Variants in DAB1 observed in about 807,000 individuals in gnomAD.
DAB1 encodes disabled homolog 1.
A neutral mutation model predicts 64.6 loss-of-function variants in DAB1; 15 were observed. That is an observed-to-expected ratio of 0.23 (90% CI 0.16 to 0.36). The LOEUF is 0.36. DAB1 is among the 10% of genes least tolerant of loss of function. The pLI is 1.00. For synonymous variants in DAB1, 235 were observed against 251.9 expected, an observed-to-expected ratio of 0.93 and a Z score of 0.64; for missense variants, 596 against 706.7, an observed-to-expected ratio of 0.84 and a Z score of 1.78.
chr1:58,097,599 G>C (rs1651063818), intron 5 of DAB1, among the ~76,000 whole-genome samples: 2 of 152,008 alleles, frequency 1.3e-5, no homozygotes. Flanking sequence ...GGTAAATTGA[G>C]AGGTGAGTCT....
At chr1:57,243,492 C>T (rs114969502) in intron 2 of DAB1, among the ~76,000 whole-genome samples, 4,910 of 152,056 alleles carry the variant, frequency 0.032, 81 homozygotes, top group Non-Finnish European at 0.039. Flanking sequence ...TGTGTATGCA[C>T]GTGTGTGTGC....
chr1:57,662,475 C>A (rs533889137), intron 6 of DAB1, among the ~76,000 whole-genome samples: 1 of 152,124 alleles, frequency 6.6e-6, no homozygotes, highest in Non-Finnish European at 1.5e-5. Flanking sequence ...GGATTACAGG[C>A]GTGAGCCACC....
In DAB1 at chr1:57,918,621, C is replaced by G. The variant is rs547940761; in HGVS notation, n.388-34459G>C. ...GGGCAGATCACAAAGTCAGGAGATA[C>G]AGACCATCCTGGCTAACACAGTGAA... On this transcript the variant is annotated intron_variant and non_coding_transcript_variant, in intron 5 of 20. Coordinates refer to the DAB1 transcript ENST00000485760. Among the ~76,000 whole-genome samples, 1,081 of 152,110 alleles carry G rather than the reference C, an allele frequency of 7.1e-3. 6 individuals are homozygous for G. The highest frequency in any genetic ancestry group is 0.013 in the African/African-American group (519 of 41,478).
intron 3 of DAB1, among the ~76,000 whole-genome samples, chr1:58,407,307 A>G (rs116248329): frequency 9.9e-5 from 15 of 151,942 alleles, no homozygotes; most frequent in African/African-American, 2.4e-4. Flanking sequence ...CCCCTTTTCT[A>G]TCTCTACTAG....
At chr1:58,481,426 C>T (rs12121129) in intron 3 of DAB1, among the ~76,000 whole-genome samples, 27,047 of 151,882 alleles carry the variant, frequency 0.18, 2,544 homozygotes, top group Middle Eastern at 0.23. Flanking sequence ...TAACAACTGC[C>T]CTAATGCTGT....
At chr1:58,236,359 T>C (rs890990836) in intron 4 of DAB1, among the ~76,000 whole-genome samples, 4 of 151,912 alleles carry the variant, frequency 2.6e-5, no homozygotes, top group Admixed American at 6.6e-5. Context: ...GGCCAACCAA[T>C]AAAACATTAT....
intron 1 of DAB1, among the ~76,000 whole-genome samples, chr1:57,356,523 C>T (rs1679113613): frequency 6.6e-6 from 1 of 152,032 alleles, no homozygotes; most frequent in Non-Finnish European, 1.5e-5. Flanking sequence ...TCATCCAGCA[C>T]ATATCAGGGG....
chr1:58,523,101 C>G (rs773810177), intron 2 of DAB1, among the ~76,000 whole-genome samples: 2 of 152,190 alleles, frequency 1.3e-5, no homozygotes, highest in Non-Finnish European at 2.9e-5. Context: ...TCTTTTCTAC[C>G]TGGCACCATT....
At chr1:57,808,415 A>G (rs1651468910) in intron 6 of DAB1, among the ~76,000 whole-genome samples, 1 of 152,170 alleles carries the variant, frequency 6.6e-6, no homozygotes, top group Non-Finnish European at 1.5e-5. Context: ...CCTCCACCAG[A>G]GAGAAAGCGT....
At chr1:57,902,675 T>C (rs1644493367) in intron 5 of DAB1, among the ~76,000 whole-genome samples, 2 of 152,170 alleles carry the variant, frequency 1.3e-5, no homozygotes, top group Admixed American at 1.3e-4. Context: ...TCAATTTGAG[T>C]GACATGATTT....
At chr1:57,849,191 C>T (rs778251229) in intron 1 of DAB1, among the ~76,000 whole-genome samples, 1 of 152,114 alleles carries the variant, frequency 6.6e-6, no homozygotes, top group Non-Finnish European at 1.5e-5. Context: ...GGAATGTTCA[C>T]AAAAGGTCAG....
chr1:58,385,172 T>C (rs1644422740), intron 3 of DAB1, among the ~76,000 whole-genome samples: 1 of 152,226 alleles, frequency 6.6e-6, no homozygotes, highest in South Asian at 2.1e-4. Context: ...ATATTGATTG[T>C]GGTGATGGTA....
At chr1:57,176,815 A>T (rs1038709110) in intron 2 of DAB1, among the ~76,000 whole-genome samples, 7 of 152,040 alleles carry the variant, frequency 4.6e-5, no homozygotes, top group Non-Finnish European at 7.4e-5. Context: ...TAATAAGGTC[A>T]CAGGGGCAGG....
chr1:58,165,673 C>A (rs909752433), intron 4 of DAB1, among the ~76,000 whole-genome samples: 16 of 152,202 alleles, frequency 1.1e-4, no homozygotes, highest in African/African-American at 3.9e-4. Context: ...CAAGCCTAGA[C>A]CACAGGATAG....
At chr1:57,547,091 G>A (rs1644864273) in intron 7 of DAB1, among the ~76,000 whole-genome samples, 1 of 150,572 alleles carries the variant, frequency 6.6e-6, no homozygotes, top group African/African-American at 2.5e-5. Context: ...GTGAGACCAA[G>A]AGAAAAATAA....
intron 2 of DAB1, among the ~76,000 whole-genome samples, chr1:57,176,472 C>T (rs988654649): frequency 6.6e-6 from 1 of 152,056 alleles, no homozygotes; most frequent in Non-Finnish European, 1.5e-5. Context: ...CAATCACCTC[C>T]CACCAGGTTC....
intron 4 of DAB1, among the ~76,000 whole-genome samples, chr1:58,216,309 T>G (rs757476840): frequency 7.9e-5 from 12 of 152,204 alleles, no homozygotes; most frequent in Non-Finnish European, 1.2e-4. Flanking sequence ...GTTAGTTTGC[T>G]GAGAATGATG....
At chr1:57,531,764 C>T (rs1644666096) in intron 7 of DAB1, among the ~76,000 whole-genome samples, 1 of 152,130 alleles carries the variant, frequency 6.6e-6, no homozygotes, top group Non-Finnish European at 1.5e-5. Flanking sequence ...TGAGAAAAAC[C>T]AAAGTCCTTA....
rs77447457 is a variant in DAB1 at position 57,676,144 on chromosome 1, G to C, written n.552-26479C>G. On this transcript the variant is annotated intron_variant and non_coding_transcript_variant, in intron 6 of 20. Transcript: ENST00000485760. ...AGACATAGCAACATAGGGCAGGGAG[G>C]CTTTGCTACAGCATGCAGAAGTTGT... Among the ~76,000 whole-genome samples the C allele has an allele frequency of 5.2e-3, 789 of 152,322 alleles. 8 individuals are homozygous for C. Among genetic ancestry groups the C allele is most frequent in the African/African-American group, 0.018 (733 of 41,572 alleles).
Sources: gnomAD v4.1 joint callset for allele counts (sites outside exome capture counted in the v4.1 genomes callset) on GRCh38, gnomAD v4.1.1 for gene constraint, MANE v1.5 for transcripts, NCBI Gene and HGNC (gene_info 2026-07-23, HGNC 2026-07-21) for gene names.